Variants in HMX1 observed in about 807,000 individuals in gnomAD.
HMX1 encodes the protein homeobox protein HMX1.
In HMX1, 8 loss-of-function variants were observed where a neutral mutation model predicts 8.9. The ratio of observed to expected loss-of-function variants is 0.90; its 90% CI spans 0.53 to 1.63. HMX1 has a LOEUF of 1.63. Among genes scored for constraint, HMX1 ranks in the 40% most tolerant of loss-of-function variants. The probability of loss-of-function intolerance (pLI) is 0.00; values close to 1 mark genes in which losing one functional copy is unlikely to be tolerated. For missense variants in HMX1, 621 were observed against 558.5 expected (o/e 1.11, Z -1.13); for synonymous variants, 311 against 283.4 (o/e 1.10, Z -0.98).
intron 1 of HMX1, among the ~76,000 whole-genome samples, chr4:8,846,666 C>G (rs1721286390): frequency 6.6e-6 from 1 of 152,168 alleles, no homozygotes; most frequent in African/African-American, 2.4e-5. Flanking sequence ...TTCCACCTCT[C>G]ACACTCCCCT....
At chr4:8,859,192 C>CG (rs1721713792) in intron 1 of HMX1, 1 of 152,090 alleles carries the variant, frequency 6.6e-6, no homozygotes, top group African/African-American at 2.4e-5. Flanking sequence ...AAGGCTGGCC[C>CG]CCCCCCACGC....
chr4:8,861,053 C>G (rs1035205453), intron 1 of HMX1, among the ~76,000 whole-genome samples: 1 of 151,334 alleles, frequency 6.6e-6, no homozygotes, highest in South Asian at 2.1e-4. Flanking sequence ...CCCGGGCGGC[C>G]GGAGACGGTG....
At chr4:8,852,063 C>T (rs1431353505) in intron 1 of HMX1, among the ~76,000 whole-genome samples, 1 of 152,242 alleles carries the variant, frequency 6.6e-6, no homozygotes, top group African/African-American at 2.4e-5. Flanking sequence ...CCAGGGTCTC[C>T]ACCTCTCCTG....
chr4:8,848,555 G>A lies in HMX1; in HGVS notation c.395-2231C>T, dbSNP rs147909850. ...GCCAGAGAAGGCAAGTAAGTTGCCT[G>A]GGTCACACAGCATGTGGATGGAGCT... is the stretch of plus-strand genomic sequence containing the variant. On this transcript the variant is annotated intron_variant, in intron 1 of 1. Transcript: ENST00000506970. The surrounding 1 kb of genome is among the most constrained non-coding windows in gnomAD (Gnocchi z 4.1). Among the ~76,000 whole-genome samples, 528 of 152,334 alleles carry A rather than the reference G, an allele frequency of 3.5e-3. 5 individuals are homozygous for A. The highest frequency in any genetic ancestry group is 0.012 in the African/African-American group (507 of 41,582).
Position 8,871,615 on chromosome 4 carries a change from C to T in HMX1, c.-1G>A, listed in dbSNP as rs994744852. On this transcript the variant is annotated 5_prime_UTR_variant, in exon 1 of 2. Coordinates refer to ENST00000400677, the MANE Select transcript of HMX1 (RefSeq NM_018942.3). The surrounding 1 kb of genome is among the most constrained non-coding windows in gnomAD (Gnocchi z 4.8). ...CGGGCTCCGTCAGCTCGTCAGGCAT[C>T]GCGGCCGCGGGCTTCTCGGGCTCGG... is the stretch of plus-strand genomic sequence containing the variant. 8 of 1,283,088 alleles carry T rather than the reference C, an allele frequency of 6.2e-6. 1 individual carries two copies. The African/African-American group carries it at 1.3e-4, about 20-fold the overall frequency. The allele number at this position is 1,283,088 out of a possible 1,614,324, so 79.5% of individuals were successfully genotyped here.
chr4:8,866,777 T>C (rs908508257), downstream of HMX1, among the ~76,000 whole-genome samples: 5 of 152,162 alleles, frequency 3.3e-5, no homozygotes, highest in African/African-American at 1.2e-4. Context: ...TGCTCCTGCC[T>C]TTCGGTTTCA....
At position 8,867,183 on chromosome 4, in the gene HMX1, AG is replaced by A. The variant is rs751873593; in HGVS notation, c.*509del. The A allele has an allele frequency of 4.1e-6, 4 of 985,430 alleles. No individual in the cohort carries two copies. The highest frequency in any genetic ancestry group is 4.8e-6 in the Non-Finnish European group (4 of 829,848). The allele number at this position is 985,430 out of a possible 1,614,324, so 61.0% of individuals were successfully genotyped here. ...AACGGACGATGGGACCCACAGGTCC[AG>A]GGTCCTTTCTCCACCAGCACCCGCG... is the stretch of plus-strand genomic sequence containing the variant. On this transcript the variant is annotated 3_prime_UTR_variant, in exon 2 of 2. Transcript: ENST00000400677.
At chr4:8,846,422 A>G (rs1393692063) in intron 1 of HMX1, 1 of 921,338 alleles carries the variant, frequency 1.1e-6, no homozygotes, top group Non-Finnish European at 1.6e-6. Flanking sequence ...ATGGCTCAAA[A>G]CCCAAACCTG....
At chr4:8,863,991 C>G (rs1463756223), downstream of HMX1, among the ~76,000 whole-genome samples, 1 of 152,186 alleles carries the variant, frequency 6.6e-6, no homozygotes, top group Non-Finnish European at 1.5e-5. Flanking sequence ...GTCCCAGATG[C>G]CCAACACTGG....
At position 8,871,744 on chromosome 4, in the gene HMX1, A is replaced by C. The variant is rs4074894; in HGVS notation, c.-130T>G. On this transcript the variant is annotated 5_prime_UTR_variant, in exon 1 of 2. Coordinates refer to ENST00000400677, the MANE Select transcript of HMX1 (RefSeq NM_018942.3). This position sits in a 1 kb window ranked among gnomAD's most constrained non-coding sequence, Gnocchi z 4.8. ...CCGGACCGCTGGCGTCGGGCCCCGC[A>C]GGGCAGGCGGCGGCCTCCGCGCCGG... is the stretch of plus-strand genomic sequence containing the variant. The C allele has an allele frequency of 0.57, 574,856 of 1,011,418 alleles. 167,803 individuals carry two copies. The highest frequency in any genetic ancestry group is 0.6 in the Non-Finnish European group (510,113 of 847,384). 62.7% of individuals were successfully genotyped at this position (1,011,418 alleles called of 1,614,324 possible).
At chr4:8,857,971 G>A (rs530827368) in intron 1 of HMX1, among the ~76,000 whole-genome samples, 3 of 152,250 alleles carry the variant, frequency 2.0e-5, no homozygotes, top group Admixed American at 6.5e-5. Context: ...AGGCGGAGGA[G>A]GGGTGAAGCC....
Position 8,871,317 on chromosome 4 carries a change from G to T in HMX1, c.298C>A (p.Pro100Thr). Residue 100 changes from proline (P) to threonine (T), a missense_variant, in exon 1 of 2, where the codon CCC (proline) becomes ACC (threonine). By Grantham distance (38) the Pro-to-Thr change is conservative (BLOSUM62 -1). Transcript: ENST00000400677. This position sits in a 1 kb window ranked among gnomAD's most constrained non-coding sequence, Gnocchi z 4.8. ...AGAGCGAAGGGCGGCCCGGGACCGG[G>T]GGGCGGCCGAGGACCGAGGCCCAGC... ...GALGLGPRPP[P>T]GPGPPFALGC... 1 of 1,381,538 alleles carries T rather than the reference G, an allele frequency of 7.2e-7. No individual in the cohort carries two copies. The highest frequency in any genetic ancestry group is 9.3e-7 in the Non-Finnish European group (1 of 1,075,454). 85.6% of individuals were successfully genotyped at this position (1,381,538 alleles called of 1,614,324 possible).
At chr4:8,863,610 A>C (rs939385441), downstream of HMX1, among the ~76,000 whole-genome samples, 10 of 151,836 alleles carry the variant, frequency 6.6e-5, no homozygotes, top group African/African-American at 2.4e-4. Context: ...GGGAGTGCAA[A>C]GGCCAAGCTG....
chr4:8,851,453 C>T (rs1721446950), intron 1 of HMX1, among the ~76,000 whole-genome samples: 1 of 152,186 alleles, frequency 6.6e-6, no homozygotes, highest in South Asian at 2.1e-4. Context: ...CGAAGGCAGC[C>T]AGCACATTAC....
At chr4:8,850,495 T>C (rs1441980149) in intron 1 of HMX1, among the ~76,000 whole-genome samples, 1 of 152,114 alleles carries the variant, frequency 6.6e-6, no homozygotes, top group Admixed American at 6.5e-5. Context: ...GGGGGCAGAC[T>C]GCGCCCTCCT....
rs946994940 is a variant in HMX1, at chr4:8,868,688, G to A, written c.395-343C>T. On this transcript the variant is annotated intron_variant, in intron 1 of 1. Transcript: ENST00000400677. The surrounding 1 kb of genome is among the most constrained non-coding windows in gnomAD (Gnocchi z 4.6). Reference sequence around the variant, plus strand: ...AAGAAAAGCAGGCTGACCCCAGTGAGCACTCCCCACTCCCAGCTGCACCAC... The same window carrying A: ...AAGAAAAGCAGGCTGACCCCAGTGAACACTCCCCACTCCCAGCTGCACCAC... Among the ~76,000 whole-genome samples the A allele has an allele frequency of 6.6e-6, 1 of 152,072 alleles. No homozygotes were observed. The highest frequency in any genetic ancestry group is 2.4e-5 in the African/African-American group (1 of 41,402).
rs1461637960 is a variant in HMX1 at position 8,870,743 on chromosome 4, T to G, written c.394+478A>C. 2.0e-5 allele frequency among the ~76,000 whole-genome samples: 3 copies of G among 150,480 alleles called. No homozygotes were observed. The highest frequency in any genetic ancestry group is 4.4e-5 in the Non-Finnish European group (3 of 67,482). On this transcript the variant is annotated intron_variant, in intron 1 of 1. Transcript: ENST00000400677. The surrounding 1 kb of genome is among the most constrained non-coding windows in gnomAD (Gnocchi z 4.4). ...CTTTGTCTCCCTTTCCCTCCATCTC[T>G]TCCTCCTCTTTTCTCTCTCGGATCA... is the stretch of plus-strand genomic sequence containing the variant.
rs545926139 is a variant in HMX1, at chr4:8,848,442, A to G, written c.395-2118T>C. Among the ~76,000 whole-genome samples, 8 of 152,228 alleles carry G rather than the reference A, an allele frequency of 5.3e-5. No individual in the cohort carries two copies. Among genetic ancestry groups the G allele is most frequent in the Non-Finnish European group, 7.3e-5 (5 of 68,042 alleles). On this transcript the variant is annotated intron_variant, in intron 1 of 1. Coordinates refer to the HMX1 transcript ENST00000506970. The surrounding 1 kb of genome is among the most constrained non-coding windows in gnomAD (Gnocchi z 4.1). ...TAAAATGGAAATAAAGAGTTTGCGG[A>G]AATTTTATGATTGTTTTTTACTCAT...
chr4:8,846,447 C>A, intron 1 of HMX1: 1 of 705,160 alleles, frequency 1.4e-6, no homozygotes, highest in Non-Finnish European at 2.3e-6. Context: ...ACAGAGTGGT[C>A]TCCAAACTAC....
Sources: gnomAD v4.1 joint callset for allele counts (sites outside exome capture counted in the v4.1 genomes callset) on GRCh38, gnomAD v4.1.1 for gene constraint, Gnocchi (gnomAD v3.1) non-coding constraint, MANE v1.5 for transcripts, NCBI Gene and HGNC (gene_info 2026-07-23, HGNC 2026-07-21) for gene names.